The following CNTN1 variants were observed in gnomAD, a reference collection of about 807,000 sequenced individuals.
CNTN1 encodes contactin-1.
In CNTN1, 38 loss-of-function variants were observed where a neutral mutation model predicts 126.4. The ratio of observed to expected loss-of-function variants is 0.30; its 90% CI spans 0.23 to 0.39. The LOEUF is 0.39. CNTN1 is among the 10% of genes least tolerant of loss of function. CNTN1 has a pLI of 1.00. For synonymous variants in CNTN1, 413 were observed against 422.6 expected (o/e 0.98, Z 0.28); for missense variants, 1,009 against 1,248.4 (o/e 0.81, Z 2.89).
intron 1 of CNTN1, among the ~76,000 whole-genome samples, chr12:40,720,488 C>T (rs541232533): frequency 2.6e-5 from 4 of 151,802 alleles, no homozygotes; most frequent in Non-Finnish European, 5.9e-5. Context: ...GAGTCAAATA[C>T]CATTTCGTTT....
chr12:41,007,587 G>T lies in CNTN1; in HGVS notation c.2114-6641G>T, dbSNP rs919228701. ...AGGGGTCCCTCAGTGGAAAAGACTG[G>T]CTGTCAGTGAATGTGCCAAATTTTA... On this transcript the variant is annotated intron_variant, in intron 17 of 23. Transcript: ENST00000551295. 3.3e-5 allele frequency among the ~76,000 whole-genome samples: 5 copies of T among 152,124 alleles called. No individual in the cohort carries two copies. The East Asian group carries it at 9.7e-4, about 29-fold the overall frequency.
At chr12:40,794,175 T>C (rs1940323645) in intron 1 of CNTN1, among the ~76,000 whole-genome samples, 1 of 152,134 alleles carries the variant, frequency 6.6e-6, no homozygotes, top group East Asian at 1.9e-4. Context: ...TTTGCATGAA[T>C]ATTTTTTAGT....
chr12:41,066,598 G>C (rs942732675), intron 23 of CNTN1, among the ~76,000 whole-genome samples: 2 of 152,180 alleles, frequency 1.3e-5, no homozygotes, highest in African/African-American at 4.8e-5. Flanking sequence ...ACACCACAAA[G>C]AGAAAATTCT....
chr12:40,897,756 C>T (rs1455369220), intron 1 of CNTN1, among the ~76,000 whole-genome samples: 2 of 152,040 alleles, frequency 1.3e-5, no homozygotes, highest in African/African-American at 2.4e-5. Context: ...TAAGGTAGCC[C>T]CGTAATTTCC....
intron 1 of CNTN1, among the ~76,000 whole-genome samples, chr12:40,904,115 T>C (rs1944714426): frequency 6.6e-6 from 1 of 152,012 alleles, no homozygotes; most frequent in Admixed American, 6.6e-5. Flanking sequence ...GCCTCCTGGG[T>C]TCACGCCATT....
At chr12:40,768,822 G>A (rs1939224875) in intron 1 of CNTN1, among the ~76,000 whole-genome samples, 2 of 152,180 alleles carry the variant, frequency 1.3e-5, no homozygotes, top group Admixed American at 6.5e-5. Context: ...AATCTCTAGT[G>A]AGTCCCTTGT....
intron 16 of CNTN1, among the ~76,000 whole-genome samples, chr12:40,990,032 C>T (rs1948061804): frequency 6.6e-6 from 1 of 151,904 alleles, no homozygotes; most frequent in African/African-American, 2.4e-5. Flanking sequence ...AGAAGAGACA[C>T]TTTTAATTCT....
chr12:41,035,879 C>A (rs185206969), intron 23 of CNTN1, among the ~76,000 whole-genome samples: 50 of 152,200 alleles, frequency 3.3e-4, no homozygotes, highest in African/African-American at 1.2e-3. Flanking sequence ...TTGATTACAT[C>A]TAAAAGGCAA....
chr12:41,054,746 G>C (rs767261671), intron 23 of CNTN1, among the ~76,000 whole-genome samples: 14 of 152,092 alleles, frequency 9.2e-5, no homozygotes, highest in African/African-American at 2.2e-4. Flanking sequence ...AGATGTACTT[G>C]AATGTACTTA....
chr12:40,738,841 C>T (rs1315704939), intron 1 of CNTN1, among the ~76,000 whole-genome samples: 1 of 152,026 alleles, frequency 6.6e-6, no homozygotes, highest in African/African-American at 2.4e-5. Flanking sequence ...AGAGTTGTAC[C>T]TGTAGTCGAT....
chr12:40,710,084 G>T (rs950350054), intron 1 of CNTN1, among the ~76,000 whole-genome samples: 2 of 152,032 alleles, frequency 1.3e-5, no homozygotes, highest in Non-Finnish European at 2.9e-5. Context: ...TGAGAGATGT[G>T]GGACTCTTCC....
At chr12:40,744,530 C>T (rs772586046) in intron 1 of CNTN1, among the ~76,000 whole-genome samples, 3 of 152,020 alleles carry the variant, frequency 2.0e-5, no homozygotes, top group Non-Finnish European at 4.4e-5. Context: ...TGAAGGAATT[C>T]CTGTTAACAT....
chr12:40,723,508 T>C (rs1942272544), intron 1 of CNTN1, among the ~76,000 whole-genome samples: 1 of 152,172 alleles, frequency 6.6e-6, no homozygotes, highest in African/African-American at 2.4e-5. Context: ...TTCATCTGAG[T>C]GATTTTTGAG....
At chr12:40,829,696 A>C (rs2136545636) in intron 1 of CNTN1, among the ~76,000 whole-genome samples, 1 of 152,264 alleles carries the variant, frequency 6.6e-6, no homozygotes, top group East Asian at 1.9e-4. Context: ...TAGGTATAAG[A>C]GGAAACTCAC....
chr12:40,998,224 A>AT (rs1042902787), intron 17 of CNTN1, among the ~76,000 whole-genome samples: 1 of 152,174 alleles, frequency 6.6e-6, no homozygotes, highest in South Asian at 2.1e-4. Flanking sequence ...GAAAGCGGTC[A>AT]TTTTTTAACT....
chr12:41,052,799 A>T (rs1003731839), intron 23 of CNTN1, among the ~76,000 whole-genome samples: 3 of 152,080 alleles, frequency 2.0e-5, no homozygotes, highest in African/African-American at 7.2e-5. Context: ...ACATTTATTT[A>T]TCCTCAAGAA....
At chr12:40,946,583 G>A (rs34063108) in intron 14 of CNTN1, among the ~76,000 whole-genome samples, 2,415 of 152,028 alleles carry the variant, frequency 0.016, 42 homozygotes, top group Non-Finnish European at 0.022. Context: ...TTTTTTGGTA[G>A]CTATTACAGT....
chr12:40,875,956 C>T (rs78448314), intron 1 of CNTN1, among the ~76,000 whole-genome samples: 14,947 of 151,964 alleles, frequency 0.098, 867 homozygotes, highest in Non-Finnish European at 0.13. Flanking sequence ...CTGGCCAACA[C>T]CTCTCTCTTT....
intron 1 of CNTN1, among the ~76,000 whole-genome samples, chr12:40,868,995 A>G (rs749070645): frequency 2.6e-5 from 4 of 151,946 alleles, no homozygotes; most frequent in Non-Finnish European, 5.9e-5. Flanking sequence ...GTCATTATTC[A>G]TTTCAGATTT....
Sources: allele counts gnomAD v4.1 joint callset (sites outside exome capture counted in the v4.1 genomes callset), GRCh38; gene constraint gnomAD v4.1.1; transcripts MANE v1.5; gene names NCBI Gene and HGNC (gene_info 2026-07-23, HGNC 2026-07-21).